The following TRAPPC12 variants were observed in gnomAD, a reference collection of about 807,000 sequenced individuals.
TRAPPC12 encodes trafficking protein particle complex subunit 12.
A neutral mutation model predicts 69.2 loss-of-function variants in TRAPPC12; 61 were observed. The ratio of observed to expected loss-of-function variants is 0.88; its 90% CI spans 0.72 to 1.09. The LOEUF is 1.09. Among genes scored for constraint, TRAPPC12 ranks in the 50% least tolerant of loss-of-function variants. The probability of loss-of-function intolerance (pLI) is 0.00; values close to 1 mark genes in which losing one functional copy is unlikely to be tolerated. For missense variants in TRAPPC12, 1,101 were observed against 1,016.4 expected (o/e 1.08, Z -1.13); for synonymous variants, 469 against 438.9 (o/e 1.07, Z -0.86).
chr2:3,446,846 G>A (rs1304046234), intron 6 of TRAPPC12, among the ~76,000 whole-genome samples: 1 of 152,200 alleles, frequency 6.6e-6, no homozygotes. Context: ...GGTAGACGAT[G>A]CTTGTTTCAC....
At chr2:3,385,345 TTCTTC>T (rs1210168749) in intron 1 of TRAPPC12, among the ~76,000 whole-genome samples, 1 of 152,122 alleles carries the variant, frequency 6.6e-6, no homozygotes, top group Non-Finnish European at 1.5e-5. Flanking sequence ...TTTTTTTATT[TTCTTC>T]TCTTCTCAAA....
At position 3,388,035 on chromosome 2, in the gene TRAPPC12, G is replaced by GA; in HGVS notation, c.413dup (p.Val139GlyfsTer153). 1 of 1,483,772 alleles carries GA rather than the reference G, an allele frequency of 6.7e-7. No homozygotes were observed. The highest frequency in any genetic ancestry group is 8.9e-7 in the Non-Finnish European group (1 of 1,123,502). 91.9% of individuals were successfully genotyped at this position (1,483,772 alleles called of 1,614,324 possible). The stretch of plus-strand genomic sequence containing the variant: ...GGCCCCGAGGCAGGACGCGGCCCGC[G>GA]AGGTCCCAGGCAGCGAAGCCGCGCG... On this transcript the variant is annotated frameshift_variant, in exon 2 of 12. Coordinates refer to ENST00000324266, the MANE Select transcript of TRAPPC12 (RefSeq NM_016030.6). LOFTEE classifies it high-confidence loss of function.
intron 9 of TRAPPC12, among the ~76,000 whole-genome samples, chr2:3,469,337 G>T (rs1665962732): frequency 6.6e-6 from 1 of 152,218 alleles, no homozygotes; most frequent in Non-Finnish European, 1.5e-5. Context: ...TGCTGTCAGA[G>T]GGGTAAATTT....
intron 2 of TRAPPC12, among the ~76,000 whole-genome samples, chr2:3,391,979 G>A (rs1192819390): frequency 6.6e-6 from 1 of 152,120 alleles, no homozygotes; most frequent in Non-Finnish European, 1.5e-5. Context: ...TCTGAAGGTT[G>A]CCACAGGAAA....
At chr2:3,401,159 A>C (rs185408875) in intron 2 of TRAPPC12, among the ~76,000 whole-genome samples, 2 of 152,332 alleles carry the variant, frequency 1.3e-5, no homozygotes, top group East Asian at 3.9e-4. Flanking sequence ...CAGCGAGGCT[A>C]CCGAGGACCT....
chr2:3,397,653 TAA>T (rs997717807), intron 2 of TRAPPC12, among the ~76,000 whole-genome samples: 23 of 152,374 alleles, frequency 1.5e-4, no homozygotes, highest in African/African-American at 5.3e-4. Flanking sequence ...CATTTTCTAG[TAA>T]ATTATGTTAT....
intron 2 of TRAPPC12, among the ~76,000 whole-genome samples, chr2:3,399,820 C>T (rs145242973): frequency 0.015 from 2,118 of 144,744 alleles, 25 homozygotes; most frequent in Non-Finnish European, 0.022. Flanking sequence ...CCCCCGCCAC[C>T]GCCCCGCCGC....
intron 1 of TRAPPC12, among the ~76,000 whole-genome samples, chr2:3,386,850 T>C (rs1660515492): frequency 6.6e-6 from 1 of 152,138 alleles, no homozygotes; most frequent in Admixed American, 6.5e-5. Flanking sequence ...TCACACCTAC[T>C]GGAATGGCTA....
chr2:3,458,539 A>T, intron 7 of TRAPPC12: 1 of 823,404 alleles, frequency 1.2e-6, no homozygotes, highest in African/African-American at 1.9e-5. Context: ...TGGTGTGTGG[A>T]TGTTGGGTGT....
intron 2 of TRAPPC12, among the ~76,000 whole-genome samples, chr2:3,399,893 G>T (rs191119224): frequency 1.3e-3 from 191 of 151,856 alleles, no homozygotes; most frequent in African/African-American, 4.5e-3. Context: ...GTCCAGGCAG[G>T]GGGCACGCAG....
intron 1 of TRAPPC12, among the ~76,000 whole-genome samples, chr2:3,385,770 C>T (rs549927154): frequency 5.9e-5 from 9 of 152,260 alleles, no homozygotes; most frequent in South Asian, 2.1e-4. Context: ...AAATAAAATA[C>T]GCAGACCACG....
chr2:3,394,345 G>A (rs1039701812), intron 2 of TRAPPC12, among the ~76,000 whole-genome samples: 14 of 152,152 alleles, frequency 9.2e-5, no homozygotes, highest in African/African-American at 1.7e-4. Context: ...GGGGAGGGCC[G>A]GGCATGGTGG....
chr2:3,448,315 G>T (rs1664628576), intron 6 of TRAPPC12, among the ~76,000 whole-genome samples: 1 of 152,164 alleles, frequency 6.6e-6, no homozygotes, highest in Non-Finnish European at 1.5e-5. Flanking sequence ...CAGGATTGTG[G>T]TTTTTTCCTC....
chr2:3,429,894 A>G (rs1663331736), intron 5 of TRAPPC12, among the ~76,000 whole-genome samples: 1 of 152,222 alleles, frequency 6.6e-6, no homozygotes, highest in Admixed American at 6.5e-5. Flanking sequence ...GTAACAAATG[A>G]AAGTACCCAT....
chr2:3,447,621 C>T (rs1664585329), intron 6 of TRAPPC12, among the ~76,000 whole-genome samples: 1 of 152,168 alleles, frequency 6.6e-6, no homozygotes, highest in Non-Finnish European at 1.5e-5. Context: ...CACCAGGCCC[C>T]ACCTCCAACA....
intron 5 of TRAPPC12, among the ~76,000 whole-genome samples, chr2:3,436,668 G>C (rs181724932): frequency 2.0e-5 from 3 of 151,894 alleles, no homozygotes; most frequent in East Asian, 1.9e-4. Context: ...ATGGCGTTGC[G>C]TGTTCATTGT....
intron 9 of TRAPPC12, among the ~76,000 whole-genome samples, chr2:3,470,344 C>G (rs924869806): frequency 2.6e-5 from 4 of 152,272 alleles, no homozygotes; most frequent in African/African-American, 9.6e-5. Flanking sequence ...AAAGGCCATT[C>G]TTCCAGGCCA....
rs1413817941 is a variant in TRAPPC12, at chr2:3,399,808, T to TCC, written c.1048-1964_1048-1963dup. ...ACTTCTATGCTTTTCTTTCCCCCGC[T>TCC]CCCCCCGCCACCGCCCCGCCGCCAA... is the stretch of plus-strand genomic sequence containing the variant. On this transcript the variant is annotated intron_variant, in intron 2 of 11. Transcript: ENST00000324266. Among the ~76,000 whole-genome samples the TCC allele has an allele frequency of 1.3e-3, 177 of 136,748 alleles. 1 individual carries two copies. Among genetic ancestry groups the TCC allele is most frequent in the Non-Finnish European group, 2.2e-3 (138 of 63,754 alleles). The allele number at this position is 136,748 out of a possible 152,430, so 89.7% of individuals were successfully genotyped here.
chr2:3,389,044 G>A (rs1035225567), intron 2 of TRAPPC12: 5 of 183,906 alleles, frequency 2.7e-5, no homozygotes, highest in East Asian at 1.4e-4. Context: ...TAATGTGCCC[G>A]ATGTAGAATT....
Sources: gnomAD v4.1 joint callset for allele counts (sites outside exome capture counted in the v4.1 genomes callset) on GRCh38, gnomAD v4.1.1 for gene constraint, MANE v1.5 for transcripts, NCBI Gene and HGNC (gene_info 2026-07-23, HGNC 2026-07-21) for gene names.